IGSF21: variants seen among roughly 807,000 people sequenced by gnomAD.
IGSF21 encodes immunoglobulin superfamily member 21.
Under a neutral mutation model 46.8 loss-of-function variants are expected in IGSF21, and 28 were observed. The ratio of observed to expected loss-of-function variants is 0.60; its 90% confidence interval spans 0.44 to 0.82. The LOEUF is 0.82. IGSF21 is among the 40% of genes least tolerant of loss of function. IGSF21 has a pLI of 0.00. For synonymous variants in IGSF21, 284 were observed against 273.6 expected (o/e 1.04, Z -0.38); for missense variants, 624 against 665.5 (o/e 0.94, Z 0.69).
intron 4 of IGSF21, among the ~76,000 whole-genome samples, chr1:18,349,365 G>A (rs1557655110): frequency 6.6e-6 from 1 of 152,096 alleles, no homozygotes; most frequent in East Asian, 1.9e-4. Flanking sequence ...AGGATGATGG[G>A]GGAGGACTAG....
chr1:18,257,077 C>T (rs1199173980), intron 2 of IGSF21, among the ~76,000 whole-genome samples: 1 of 152,208 alleles, frequency 6.6e-6, no homozygotes, highest in Admixed American at 6.5e-5. Context: ...ATAATCCTTC[C>T]CTCTCAGAGT....
At chr1:18,123,485 C>T (rs1020290444) in intron 1 of IGSF21, among the ~76,000 whole-genome samples, 3 of 152,310 alleles carry the variant, frequency 2.0e-5, no homozygotes, top group African/African-American at 7.2e-5. Flanking sequence ...AATTCATAGT[C>T]TCTTGGGGCT....
chr1:18,374,376 G>C (rs1010109206), intron 6 of IGSF21, among the ~76,000 whole-genome samples: 2 of 152,216 alleles, frequency 1.3e-5, no homozygotes, highest in South Asian at 4.1e-4. Context: ...CATCAAACCT[G>C]CCACTGCCTG....
intron 1 of IGSF21, among the ~76,000 whole-genome samples, chr1:18,175,625 C>T (rs1401207656): frequency 6.6e-6 from 1 of 152,098 alleles, no homozygotes; most frequent in Non-Finnish European, 1.5e-5. Flanking sequence ...GGGCTCCCTT[C>T]CTCTGTCCAG....
intron 3 of IGSF21, among the ~76,000 whole-genome samples, chr1:18,326,021 A>G (rs1019442157): frequency 2.0e-5 from 3 of 151,844 alleles, no homozygotes; most frequent in Non-Finnish European, 4.4e-5. Flanking sequence ...GGAAGAGCAG[A>G]GACCTCTTCC....
rs956031955 is a variant in IGSF21, at chr1:18,376,898, G to T, written c.1200G>T (p.Glu400Asp). 13 of 1,612,982 alleles carry T rather than the reference G, an allele frequency of 8.1e-6. No homozygotes were observed. Among genetic ancestry groups the T allele is most frequent in the Non-Finnish European group, 1.1e-5 (13 of 1,179,064 alleles). ...TCGACGGGAAGGAGCTGGTGCTGGA[G>T]CGGGTTCCCGCCGAGCTCAATGGCT... ...AEFDGKELVL[E>D]RVPAELNGSM... The change falls in exon 8 of 10, where the codon GAG becomes GAT. Residue 400 changes from glutamate to aspartate, a missense_variant. Physicochemically the swap from Glu to Asp is conservative, Grantham distance 45. Transcript: ENST00000251296.
At chr1:18,208,998 G>T (rs1340718283) in intron 1 of IGSF21, among the ~76,000 whole-genome samples, 2 of 152,200 alleles carry the variant, frequency 1.3e-5, no homozygotes, top group Non-Finnish European at 2.9e-5. Flanking sequence ...CAGCATAGAA[G>T]TTATCGTGGG....
intron 1 of IGSF21, among the ~76,000 whole-genome samples, chr1:18,184,635 A>G (rs1021429072): frequency 6.6e-6 from 1 of 152,154 alleles, no homozygotes; most frequent in African/African-American, 2.4e-5. Flanking sequence ...TGTGGGTATC[A>G]GGAACTCATA....
chr1:18,161,301 C>G (rs1432000514), intron 1 of IGSF21, among the ~76,000 whole-genome samples: 1 of 152,148 alleles, frequency 6.6e-6, no homozygotes, highest in African/African-American at 2.4e-5. Flanking sequence ...TCTCTAGGCA[C>G]TATTACCATC....
At chr1:18,120,219 A>G (rs1005345319) in intron 1 of IGSF21, among the ~76,000 whole-genome samples, 7 of 152,174 alleles carry the variant, frequency 4.6e-5, no homozygotes, top group African/African-American at 1.7e-4. Flanking sequence ...GGCACTTTCT[A>G]CCTATAGCTT....
At chr1:18,308,278 G>C (rs2085447838) in intron 3 of IGSF21, among the ~76,000 whole-genome samples, 1 of 152,110 alleles carries the variant, frequency 6.6e-6, no homozygotes, top group Non-Finnish European at 1.5e-5. Context: ...TCCTCTCCCT[G>C]GCCAGCCTTT....
At chr1:18,206,148 G>A (rs1312000726) in intron 1 of IGSF21, among the ~76,000 whole-genome samples, 1 of 152,210 alleles carries the variant, frequency 6.6e-6, no homozygotes, top group Non-Finnish European at 1.5e-5. Context: ...AGGTTAGCTG[G>A]GAATTTTAGA....
intron 1 of IGSF21, among the ~76,000 whole-genome samples, chr1:18,125,094 G>A (rs1422547803): frequency 6.6e-6 from 1 of 152,132 alleles, no homozygotes; most frequent in African/African-American, 2.4e-5. Context: ...GGGACTCACT[G>A]GAGAGACATA....
At chr1:18,254,447 A>G (rs895723370) in intron 2 of IGSF21, among the ~76,000 whole-genome samples, 12 of 152,184 alleles carry the variant, frequency 7.9e-5, no homozygotes, top group African/African-American at 2.7e-4. Flanking sequence ...CCCTAACCCT[A>G]GAGTTAGATT....
At chr1:18,148,428 G>A (rs1006693881) in intron 1 of IGSF21, among the ~76,000 whole-genome samples, 10 of 152,148 alleles carry the variant, frequency 6.6e-5, no homozygotes, top group Admixed American at 2.0e-4. Context: ...CACCATGCCC[G>A]GCCTCAAGTA....
rs182787000 is a variant in IGSF21 at position 18,287,778 on chromosome 1, T to G, written c.184-4088T>G. ...TGACTACTAGCAAATTCTCGGTCCC[T>G]GCTCTCTGCACCCCACTCCTTATAG... On this transcript the variant is annotated intron_variant, in intron 2 of 9. Transcript: ENST00000251296. 2.3e-3 allele frequency among the ~76,000 whole-genome samples: 357 copies of G among 152,304 alleles called. 1 individual carries two copies. Among genetic ancestry groups the G allele is most frequent in the Admixed American group, 3.5e-3 (54 of 15,300 alleles).
At chr1:18,206,489 C>T (rs558175361) in intron 1 of IGSF21, among the ~76,000 whole-genome samples, 24 of 149,000 alleles carry the variant, frequency 1.6e-4, no homozygotes, top group Non-Finnish European at 2.5e-4. Context: ...TTCAAGGCTG[C>T]GGCGAGCCAT....
At position 18,213,663 on chromosome 1, in the gene IGSF21, G is replaced by A. The variant is rs942593711; in HGVS notation, c.71-14235G>A. On this transcript the variant is annotated intron_variant, in intron 1 of 9. Transcript: ENST00000251296. ...GGGGAGCACACGGCCATCTTCCTGG[G>A]TCTGGGCAACACACACACAGCACAG... is the stretch of plus-strand genomic sequence containing the variant. Among the ~76,000 whole-genome samples, 8 of 152,088 alleles carry A rather than the reference G, an allele frequency of 5.3e-5. No individual in the cohort carries two copies. In the East Asian group the frequency reaches 5.8e-4, roughly 11 times the overall value.
At chr1:18,224,468 C>T (rs964448562) in intron 1 of IGSF21, among the ~76,000 whole-genome samples, 5 of 152,164 alleles carry the variant, frequency 3.3e-5, no homozygotes, top group African/African-American at 9.7e-5. Context: ...TATCACTTCA[C>T]TCTGCTTTGC....
Sources: allele counts gnomAD v4.1 joint callset (sites outside exome capture counted in the v4.1 genomes callset), GRCh38; gene constraint gnomAD v4.1.1; transcripts MANE v1.5; gene names NCBI Gene and HGNC (gene_info 2026-07-23, HGNC 2026-07-21).